FFAR1: variants seen among roughly 807,000 people sequenced by gnomAD.
FFAR1 encodes G-protein coupled receptor 40.
For missense variants in FFAR1, 424 were observed against 396.2 expected, an observed-to-expected ratio of 1.07 and a Z score of -0.60; for synonymous variants, 216 against 201.5, an observed-to-expected ratio of 1.07 and a Z score of -0.61.
At chr19:35,352,823 C>T in exon 1 of FFAR1, 3 of 321,858 alleles carry the variant, frequency 9.3e-6, no homozygotes, top group South Asian at 3.9e-5. Context: ...ACTGCCACTC[C>T]GGTGATGCAC....
At chr19:35,352,074 G>C (rs750236257) in exon 1 of FFAR1, 19 of 1,613,432 alleles carry the variant, frequency 1.2e-5, no homozygotes, top group Non-Finnish European at 1.6e-5. Flanking sequence ...GGAGGCCTGG[G>C]ACCCGGCCTC....
upstream of FFAR1, among the ~76,000 whole-genome samples, chr19:35,350,365 C>T (rs1396675889): frequency 1.3e-5 from 2 of 152,224 alleles, no homozygotes; most frequent in African/African-American, 2.4e-5. Flanking sequence ...ACACCCACTG[C>T]CACTTGGAGA....
chr19:35,348,998 G>A (rs1448646294), upstream of FFAR1, among the ~76,000 whole-genome samples: 1 of 152,150 alleles, frequency 6.6e-6, no homozygotes, highest in African/African-American at 2.4e-5. Context: ...AGACATTGCT[G>A]AGGCGTGAAG....
At chr19:35,351,476 C>A (rs2066943935), upstream of FFAR1, 1 of 1,365,994 alleles carries the variant, frequency 7.3e-7, no homozygotes. Context: ...GGAGCCCCTC[C>A]TCTCCGGGGC....
At chr19:35,351,264 G>A (rs1416497099), upstream of FFAR1, among the ~76,000 whole-genome samples, 1 of 152,196 alleles carries the variant, frequency 6.6e-6, no homozygotes, top group Non-Finnish European at 1.5e-5. Context: ...CCTATCTCCT[G>A]TGACGCTGCA....
exon 1 of FFAR1, chr19:35,352,830 G>T: frequency 3.1e-6 from 1 of 318,326 alleles, no homozygotes; most frequent in South Asian, 3.8e-5. Context: ...CTCCGGTGAT[G>T]CACTTGAGGA....
upstream of FFAR1, among the ~76,000 whole-genome samples, chr19:35,349,916 G>C (rs558880441): frequency 1.3e-5 from 2 of 152,202 alleles, no homozygotes; most frequent in Non-Finnish European, 2.9e-5. Context: ...AGCATCCAGA[G>C]AGGTTAGAAA....
At chr19:35,352,578 A>G in exon 1 of FFAR1, 2 of 1,072,070 alleles carry the variant, frequency 1.9e-6, no homozygotes, top group Non-Finnish European at 2.6e-6. Context: ...GGAGCCACTC[A>G]AGCAGAGAGC....
At chr19:35,350,407 G>C (rs555211354), upstream of FFAR1, among the ~76,000 whole-genome samples, 1 of 152,362 alleles carries the variant, frequency 6.6e-6, no homozygotes, top group East Asian at 1.9e-4. Flanking sequence ...AGGGCACCCT[G>C]TGTTGTCAGG....
chr19:35,350,325 G>A (rs369413982), upstream of FFAR1, among the ~76,000 whole-genome samples: 12 of 152,328 alleles, frequency 7.9e-5, no homozygotes, highest in Admixed American at 4.6e-4. Context: ...GTGCAGAACC[G>A]CACCCGGGTG....
rs750765669 is a variant in FFAR1, at chr19:35,351,788, C to A, written c.237C>A (p.Cys79Ter). Residue 79 changes from cysteine (C) to a stop codon, truncating the protein, a stop_gained, in exon 1 of 1, where the codon TGC becomes TGA. Transcript: ENST00000246553. LOFTEE classifies it low-confidence loss of function (END_TRUNC). Reference sequence around the variant, plus strand: ...CCTGGCCTCTGCCGGCCTCGCTGTGCCCCGTCTTCGCGGTGGCCCACTTCT... The same window carrying A: ...CCTGGCCTCTGCCGGCCTCGCTGTGACCCGTCTTCGCGGTGGCCCACTTCT... 4 of 1,589,954 alleles carry A rather than the reference C, an allele frequency of 2.5e-6. No homozygotes were observed. The highest frequency in any genetic ancestry group is 3.4e-6 in the Non-Finnish European group (4 of 1,170,572).
upstream of FFAR1, among the ~76,000 whole-genome samples, chr19:35,350,498 G>A (rs1429253213): frequency 2.0e-5 from 3 of 152,162 alleles, no homozygotes; most frequent in South Asian, 6.2e-4. Context: ...GTGTGAACAG[G>A]CAGGAGGGCT....
exon 1 of FFAR1, chr19:35,352,675 G>A: frequency 3.4e-6 from 2 of 593,162 alleles, no homozygotes; most frequent in Non-Finnish European, 6.0e-6. Flanking sequence ...GCCCCTGCAC[G>A]TGTCGAGGAA....
chr19:35,350,443 G>C (rs1180812482), upstream of FFAR1, among the ~76,000 whole-genome samples: 4 of 152,200 alleles, frequency 2.6e-5, no homozygotes, highest in Non-Finnish European at 5.9e-5. Context: ...CCCGGGACCT[G>C]CCCAGGGGTG....
chr19:35,348,556 G>A (rs113850833), upstream of FFAR1, among the ~76,000 whole-genome samples: 18 of 152,274 alleles, frequency 1.2e-4, no homozygotes, highest in African/African-American at 4.1e-4. Context: ...CCGAGATCAC[G>A]CCACTGCACT....
upstream of FFAR1, among the ~76,000 whole-genome samples, chr19:35,350,461 G>C (rs115446567): frequency 0.011 from 1,659 of 152,264 alleles, 28 homozygotes; most frequent in African/African-American, 0.038. Context: ...GTGCATCAAG[G>C]GTGGAGAAGA....
chr19:35,350,525 T>C (rs2066939790), upstream of FFAR1, among the ~76,000 whole-genome samples: 3 of 152,098 alleles, frequency 2.0e-5, no homozygotes, highest in Admixed American at 2.0e-4. Context: ...GGAATAGCGC[T>C]GGGTTGTGGC....
chr19:35,352,595 T>G, exon 1 of FFAR1: 1 of 881,452 alleles, frequency 1.1e-6, no homozygotes, highest in Admixed American at 2.9e-5. Flanking sequence ...GAGCGGCGCC[T>G]GCTGAGGGCA....
chr19:35,351,921 T>G, exon 1 of FFAR1: 1 of 1,614,098 alleles, frequency 6.2e-7, no homozygotes, highest in South Asian at 1.1e-5. Flanking sequence ...GTGCTATTCC[T>G]GGGGGGTGTG....
Sources: allele counts gnomAD v4.1 joint callset (sites outside exome capture counted in the v4.1 genomes callset), GRCh38; gene constraint gnomAD v4.1.1; transcripts MANE v1.5; gene names NCBI Gene and HGNC (gene_info 2026-07-23, HGNC 2026-07-21).